PPP2R1A: variants seen among roughly 807,000 people sequenced by gnomAD.
PPP2R1A encodes protein phosphatase 2 scaffold subunit Aalpha.
A neutral mutation model predicts 67.1 loss-of-function variants in PPP2R1A; 15 were observed. The observed-to-expected ratio is 0.22, with a 90% CI of 0.15 to 0.34. The LOEUF (loss-of-function observed/expected upper bound fraction) is 0.34. PPP2R1A is among the 10% of genes least tolerant of loss of function. PPP2R1A has a pLI of 1.00. For synonymous variants in PPP2R1A, 337 were observed against 325.0 expected (o/e 1.04, Z -0.40); for missense variants, 369 against 775.0 (o/e 0.48, Z 6.22).
At chr19:52,208,701 T>G (rs973624768) in intron 3 of PPP2R1A, among the ~76,000 whole-genome samples, 1 of 152,080 alleles carries the variant, frequency 6.6e-6, no homozygotes, top group African/African-American at 2.4e-5. Context: ...GGTTTCACCA[T>G]GTTGGCCAGG....
chr19:52,201,866 C>T (rs1211019755), intron 1 of PPP2R1A, 78 bp from the exon 2 acceptor site: 52 of 1,367,848 alleles, frequency 3.8e-5, no homozygotes, highest in Non-Finnish European at 5.4e-5. Context: ...CAGGGGCTGA[C>T]TGGGTTGAGA....
intron 1 of PPP2R1A, among the ~76,000 whole-genome samples, chr19:52,193,669 A>C (rs903822923): frequency 2.6e-5 from 4 of 152,084 alleles, no homozygotes; most frequent in African/African-American, 9.7e-5. Context: ...TCCCGGGTTC[A>C]AGTGATTCTC....
chr19:52,207,765 G>A (rs181437732), intron 3 of PPP2R1A, among the ~76,000 whole-genome samples: 31 of 152,292 alleles, frequency 2.0e-4, no homozygotes, highest in African/African-American at 7.0e-4. Context: ...TGAATTGTCC[G>A]AGCTGGGAAG....
At chr19:52,203,231 T>C (rs2089569134) in intron 2 of PPP2R1A, among the ~76,000 whole-genome samples, 1 of 152,132 alleles carries the variant, frequency 6.6e-6, no homozygotes, top group Non-Finnish European at 1.5e-5. Flanking sequence ...GCACAGCTAG[T>C]GACTGAGGGG....
rs546842473 is a variant in PPP2R1A, at chr19:52,216,387, C to T, written c.994-142C>T. ...TGGTACTCATAAGGAATAGTGATTTCCCCTGTACCCTAAGCCATCCCCTGC... is the reference window on the plus strand; with the variant it reads ...TGGTACTCATAAGGAATAGTGATTTTCCCTGTACCCTAAGCCATCCCCTGC... On this transcript the variant is annotated intron_variant, in intron 8 of 14. Transcript: ENST00000322088. This position sits in a 1 kb window ranked among gnomAD's most constrained non-coding sequence, Gnocchi z 4.3. 2.0e-4 allele frequency: 225 copies of T among 1,144,656 alleles called. No homozygotes were observed. The African/African-American group carries it at 3.2e-3, about 16-fold the overall frequency. 70.9% of individuals were successfully genotyped at this position (1,144,656 alleles called of 1,614,324 possible).
intron 1 of PPP2R1A, among the ~76,000 whole-genome samples, chr19:52,198,956 A>G (rs2089522183): frequency 6.6e-6 from 1 of 152,230 alleles, no homozygotes; most frequent in Non-Finnish European, 1.5e-5. Context: ...TTGTTCTGGC[A>G]TTTATGATTA....
At chr19:52,205,920 G>T in intron 2 of PPP2R1A, 43 bp from the exon 3 acceptor site, 1 of 1,532,154 alleles carries the variant, frequency 6.5e-7, no homozygotes, top group Non-Finnish European at 9.0e-7. Flanking sequence ...GCTGGGGTCA[G>T]AGTTGAGATG....
intron 2 of PPP2R1A, among the ~76,000 whole-genome samples, chr19:52,203,552 G>T (rs915094123): frequency 1.3e-5 from 2 of 152,180 alleles, no homozygotes; most frequent in Non-Finnish European, 2.9e-5. Context: ...AACACTCGGG[G>T]TGTGTAGGGA....
At position 52,216,196 on chromosome 19, in the gene PPP2R1A, G is replaced by A; in HGVS notation, c.993+122G>A. On this transcript the variant is annotated intron_variant, in intron 8 of 14. Transcript: ENST00000322088. The surrounding 1 kb of genome is among the most constrained non-coding windows in gnomAD (Gnocchi z 4.3). ...GTTCCCAGCCCTCTGGGACCAGGCAGCTCTTGGGTTTCAAGCAGTTAGGGG... is the reference window on the plus strand; with the variant it reads ...GTTCCCAGCCCTCTGGGACCAGGCAACTCTTGGGTTTCAAGCAGTTAGGGG... 8.9e-7 allele frequency: 1 copy of A among 1,127,422 alleles called. No homozygotes were observed. The highest frequency in any genetic ancestry group is 1.3e-6 in the Non-Finnish European group (1 of 780,606). The allele number at this position is 1,127,422 out of a possible 1,614,324, so 69.8% of individuals were successfully genotyped here.
chr19:52,209,657 A>G (rs1369875568), intron 3 of PPP2R1A, among the ~76,000 whole-genome samples: 1 of 152,004 alleles, frequency 6.6e-6, no homozygotes, highest in African/African-American at 2.4e-5. Flanking sequence ...TTCCAAACCC[A>G]TTGGACATGA....
chr19:52,228,365 C>G lies in PPP2R1A; in HGVS notation c.*2384C>G, dbSNP rs1271890598. Reference sequence around the variant, plus strand: ...CCAGGAGTTGCCTGGTGTCTTGGGTCATGTGCTCTAGAAGCAGAGCCCGAG... The same window carrying G: ...CCAGGAGTTGCCTGGTGTCTTGGGTGATGTGCTCTAGAAGCAGAGCCCGAG... On this transcript the variant is annotated 3_prime_UTR_variant, in exon 15 of 15. Transcript: ENST00000322088. 6.6e-6 allele frequency: 1 copy of G among 152,206 alleles called. No homozygotes were observed. Among genetic ancestry groups the G allele is most frequent in the African/African-American group, 2.4e-5 (1 of 41,430 alleles). 9.4% of individuals were successfully genotyped at this position (152,206 alleles called of 1,614,324 possible).
intron 3 of PPP2R1A, among the ~76,000 whole-genome samples, chr19:52,208,320 C>T (rs1300402242): frequency 1.3e-5 from 2 of 151,782 alleles, no homozygotes; most frequent in East Asian, 1.9e-4. Context: ...AGGCGTGTGC[C>T]ACCGCACCCA....
intron 12 of PPP2R1A, 46 bp downstream of exon 12, chr19:52,221,179 C>A: frequency 6.2e-7 from 1 of 1,610,282 alleles, no homozygotes; most frequent in South Asian, 1.1e-5. Flanking sequence ...GGAACTGGAG[C>A]GCGTGGGAGA....
chr19:52,193,109 C>CT (rs2089469273), intron 1 of PPP2R1A, among the ~76,000 whole-genome samples: 2 of 152,316 alleles, frequency 1.3e-5, no homozygotes, highest in East Asian at 3.9e-4. Context: ...CTCACAATCA[C>CT]TCTTTGAAGT....
rs2089678218 is a variant in PPP2R1A at position 52,212,413 on chromosome 19, A to G, written c.504-273A>G. The G allele has an allele frequency of 2.2e-6, 1 of 460,842 alleles. No homozygotes were observed. Among genetic ancestry groups the G allele is most frequent in the South Asian group, 2.5e-5 (1 of 40,228 alleles). 28.5% of individuals were successfully genotyped at this position (460,842 alleles called of 1,614,324 possible). A position where few individuals can be genotyped will look rare whatever the true frequency, so the allele number is the denominator to read the frequency against. ...TGGTTAAGCAATTTTTATGGGAATG[A>G]TGTAATCGTCAGCACTTAGCATTGA... On this transcript the variant is annotated intron_variant, in intron 4 of 14. Coordinates refer to ENST00000322088, the MANE Select transcript of PPP2R1A (RefSeq NM_014225.6). This position sits in a 1 kb window ranked among gnomAD's most constrained non-coding sequence, Gnocchi z 4.1.
At chr19:52,197,710 G>A (rs1020838150) in intron 1 of PPP2R1A, among the ~76,000 whole-genome samples, 3 of 152,032 alleles carry the variant, frequency 2.0e-5, no homozygotes, top group Non-Finnish European at 4.4e-5. Flanking sequence ...AGAAAAAACA[G>A]AGCAAATATG....
intron 2 of PPP2R1A, 99 bp downstream of exon 2, chr19:52,202,133 A>G: frequency 1.9e-6 from 2 of 1,029,814 alleles, no homozygotes; most frequent in African/African-American, 1.6e-5. Flanking sequence ...TTGTTTGTGA[A>G]TATCTGCCCT....
rs1389616429 is a variant in PPP2R1A at position 52,213,050 on chromosome 19, C to G, written c.747C>G (p.Arg249=). 2.5e-6 allele frequency: 4 copies of G among 1,610,342 alleles called. No homozygotes were observed. The highest frequency in any genetic ancestry group is 3.4e-6 in the Non-Finnish European group (4 of 1,179,202). The change falls in exon 6 of 15, where the codon CGC becomes CGG. Residue 249 remains arginine (R), a synonymous_variant. Coordinates refer to ENST00000322088, the MANE Select transcript of PPP2R1A (RefSeq NM_014225.6). The surrounding 1 kb of genome is among the most constrained non-coding windows in gnomAD (Gnocchi z 4.2). ...AGGCCCTGGTGATGCCCACTCTGCGCCAGGCCGCTGAAGACAAGTCCTGGC... is the reference window on the plus strand; with the variant it reads ...AGGCCCTGGTGATGCCCACTCTGCGGCAGGCCGCTGAAGACAAGTCCTGGC... The part of the protein sequence containing the change: ...DLEALVMPTL[R]QAAEDKSWRV...
chr19:52,198,780 ACCTCTGTGCATCAGTGTCCTCACTCG>A (rs1396292053), intron 1 of PPP2R1A, among the ~76,000 whole-genome samples: 1 of 152,092 alleles, frequency 6.6e-6, no homozygotes, highest in Non-Finnish European at 1.5e-5. Context: ...TGACAGCCTC[ACCTCTGTGCATCAGTGTCCTCACTCG>A]CCTCTGTGCA....
Sources: allele counts gnomAD v4.1 joint callset (sites outside exome capture counted in the v4.1 genomes callset), GRCh38; gene constraint gnomAD v4.1.1; non-coding constraint Gnocchi (gnomAD v3.1); transcripts MANE v1.5; gene names NCBI Gene and HGNC (gene_info 2026-07-23, HGNC 2026-07-21).